Variants in CYP7B1 observed in about 807,000 individuals in gnomAD.
The protein encoded by CYP7B1 is cytochrome P450 family 7 subfamily B member 1, also known as cytochrome P450 7B1.
In CYP7B1, 29 loss-of-function variants were observed where a neutral mutation model predicts 42.7. That is an observed-to-expected ratio of 0.68 (90% CI 0.51 to 0.93). The LOEUF is 0.93. Among genes scored for constraint, CYP7B1 ranks in the 40% least tolerant of loss-of-function variants. The pLI, the probability that CYP7B1 is intolerant of heterozygous loss-of-function variation, is 0.00. For missense variants in CYP7B1, 655 were observed against 600.5 expected (o/e 1.09, Z -0.95); for synonymous variants, 235 against 218.2 (o/e 1.08, Z -0.68).
At chr8:64,756,247 A>G (rs529352917) in intron 1 of CYP7B1, among the ~76,000 whole-genome samples, 5 of 152,288 alleles carry the variant, frequency 3.3e-5, no homozygotes, top group Admixed American at 1.3e-4. Flanking sequence ...ATGTCCAATG[A>G]GATGATTTTG....
intron 1 of CYP7B1, among the ~76,000 whole-genome samples, chr8:64,781,927 C>T (rs1285503688): frequency 6.6e-6 from 1 of 152,108 alleles, no homozygotes; most frequent in Non-Finnish European, 1.5e-5. Flanking sequence ...TTGAAAATTG[C>T]TTAATAATAG....
At chr8:64,738,290 C>T (rs1432674330) in intron 1 of CYP7B1, among the ~76,000 whole-genome samples, 1 of 152,024 alleles carries the variant, frequency 6.6e-6, no homozygotes, top group Non-Finnish European at 1.5e-5. Flanking sequence ...ATTTAGCATT[C>T]TTAAAAATCC....
intron 1 of CYP7B1, among the ~76,000 whole-genome samples, chr8:64,786,554 C>A (rs1804530581): frequency 6.6e-6 from 1 of 152,210 alleles, no homozygotes; most frequent in African/African-American, 2.4e-5. Flanking sequence ...CCTTGGGCAG[C>A]TCCACTCCTG....
chr8:64,797,112 T>A (rs537460385), intron 1 of CYP7B1, among the ~76,000 whole-genome samples: 1 of 152,300 alleles, frequency 6.6e-6, no homozygotes, highest in East Asian at 1.9e-4. Flanking sequence ...TTTTTCATGA[T>A]ATAGAGAAAG....
At chr8:64,650,641 C>T (rs772100957) in intron 1 of CYP7B1, among the ~76,000 whole-genome samples, 15 of 152,084 alleles carry the variant, frequency 9.9e-5, no homozygotes, top group Non-Finnish European at 1.6e-4. Flanking sequence ...GAGCAAGACT[C>T]TGTCTCAAAA....
chr8:64,744,766 A>G (rs1309900603), intron 1 of CYP7B1, among the ~76,000 whole-genome samples: 1 of 152,174 alleles, frequency 6.6e-6, no homozygotes, highest in African/African-American at 2.4e-5. Context: ...CCACAACCAA[A>G]TATCTCTATT....
chr8:64,615,294 T>C, intron 3 of CYP7B1, 62 bp from the exon 4 acceptor site: 2 of 1,501,036 alleles, frequency 1.3e-6, no homozygotes, highest in South Asian at 2.4e-5. Context: ...AGATTTGCAG[T>C]GTGCTAATTA....
At chr8:64,750,184 A>T (rs1585893492) in intron 1 of CYP7B1, among the ~76,000 whole-genome samples, 1 of 152,186 alleles carries the variant, frequency 6.6e-6, no homozygotes, top group Non-Finnish European at 1.5e-5. Context: ...GAGACAGAGG[A>T]TATGAACATG....
At chr8:64,764,370 A>C (rs1232325678) in intron 1 of CYP7B1, among the ~76,000 whole-genome samples, 2 of 152,038 alleles carry the variant, frequency 1.3e-5, no homozygotes, top group Non-Finnish European at 2.9e-5. Context: ...GATAAAAGTG[A>C]ATTGAGTAAG....
At chr8:64,612,844 C>T (rs1252306836) in intron 4 of CYP7B1, among the ~76,000 whole-genome samples, 1 of 152,086 alleles carries the variant, frequency 6.6e-6, no homozygotes, top group Non-Finnish European at 1.5e-5. Context: ...ACACATACCA[C>T]GTGGCACATG....
chr8:64,615,423 G>T (rs765222042), intron 3 of CYP7B1, among the ~76,000 whole-genome samples, 191 bp from the exon 4 acceptor site: 2 of 146,374 alleles, frequency 1.4e-5, no homozygotes, highest in African/African-American at 2.5e-5. Context: ...TGTATGGGGG[G>T]GGCGGTGTGG....
At chr8:64,730,367 G>A (rs747113832) in intron 1 of CYP7B1, among the ~76,000 whole-genome samples, 27 of 152,096 alleles carry the variant, frequency 1.8e-4, no homozygotes, top group Non-Finnish European at 4.0e-4. Flanking sequence ...ACTGTGCCCA[G>A]TCATCTTTGT....
intron 1 of CYP7B1, among the ~76,000 whole-genome samples, chr8:64,745,622 C>T (rs923550454): frequency 1.3e-5 from 2 of 152,052 alleles, no homozygotes; most frequent in East Asian, 1.9e-4. Flanking sequence ...GCAGTTCAAT[C>T]GGGTATAATC....
At chr8:64,691,484 G>C (rs548829389) in intron 1 of CYP7B1, among the ~76,000 whole-genome samples, 1 of 145,918 alleles carries the variant, frequency 6.9e-6, no homozygotes, top group South Asian at 2.3e-4. Flanking sequence ...ATGGCAACTG[G>C]GGGGGGGGGG....
At chr8:64,632,808 T>C (rs779723044) in intron 1 of CYP7B1, among the ~76,000 whole-genome samples, 10 of 152,112 alleles carry the variant, frequency 6.6e-5, no homozygotes, top group Non-Finnish European at 1.0e-4. Context: ...CTCTCATCAC[T>C]GCTATCCAAT....
chr8:64,708,343 A>G (rs1470986713), intron 1 of CYP7B1, among the ~76,000 whole-genome samples: 1 of 152,160 alleles, frequency 6.6e-6, no homozygotes, highest in East Asian at 1.9e-4. Context: ...CCTACTCAGC[A>G]CGACATCTTT....
chr8:64,590,276 T>C (rs1457108461), downstream of CYP7B1, among the ~76,000 whole-genome samples: 2 of 152,236 alleles, frequency 1.3e-5, no homozygotes, highest in African/African-American at 4.8e-5. Flanking sequence ...CTCACACCAG[T>C]GTCTCTGAGA....
intron 1 of CYP7B1, among the ~76,000 whole-genome samples, chr8:64,628,144 A>G (rs1430604946): frequency 2.0e-5 from 3 of 152,178 alleles, no homozygotes; most frequent in Admixed American, 1.3e-4. Flanking sequence ...AACAATATAC[A>G]TTTCCTCAAA....
intron 1 of CYP7B1, among the ~76,000 whole-genome samples, chr8:64,674,249 CAG>C (rs1185359804): frequency 6.6e-6 from 1 of 152,128 alleles, no homozygotes; most frequent in Non-Finnish European, 1.5e-5. Flanking sequence ...CACACAGAGA[CAG>C]ATACTTCCGA....
Sources: gnomAD v4.1 joint callset for allele counts (sites outside exome capture counted in the v4.1 genomes callset) on GRCh38, gnomAD v4.1.1 for gene constraint, MANE v1.5 for transcripts, NCBI Gene and HGNC (gene_info 2026-07-23, HGNC 2026-07-21) for gene names.